PABIR2: variants seen among roughly 807,000 people sequenced by gnomAD.
PABIR2 encodes family with sequence similarity 122B.
Under a neutral mutation model 22.8 loss-of-function variants are expected in PABIR2, and 7 were observed. The observed-to-expected ratio is 0.31, with a 90% CI of 0.17 to 0.58. The LOEUF (loss-of-function observed/expected upper bound fraction) is 0.58, where lower values mean the gene tolerates loss of function less well. PABIR2 is among the 20% of genes least tolerant of loss of function. PABIR2 has a pLI of 0.89. For synonymous variants in PABIR2, 67 were observed against 73.8 expected, an observed-to-expected ratio of 0.91 and a Z score of 0.47; for missense variants, 155 against 205.1, an observed-to-expected ratio of 0.76 and a Z score of 1.49.
rs1211189960 is a variant in PABIR2, at chrX:134,786,826, C to T, written c.497+646G>A. Among the ~76,000 whole-genome samples the T allele has an allele frequency of 2.7e-5, 3 of 110,487 alleles. No homozygotes were observed. In the Admixed American group the frequency reaches 2.9e-4, roughly 11 times the overall value. On this transcript the variant is annotated intron_variant, in intron 7 of 9. Transcript: ENST00000343004. ...ATTAGCCGAGGGTGGTGGCGCATGCCTGTAATCCCAGCTACTTGGGAGGCT... is the reference window on the plus strand; with the variant it reads ...ATTAGCCGAGGGTGGTGGCGCATGCTTGTAATCCCAGCTACTTGGGAGGCT...
rs1001278618 is a variant in PABIR2 at position 134,770,423 on chromosome X, G to A, written c.*1716C>T. On this transcript the variant is annotated 3_prime_UTR_variant, in exon 10 of 10. Coordinates refer to ENST00000343004, the MANE Select transcript of PABIR2 (RefSeq NM_001387468.1). ...TACAATTTAAAATAAAGGACACATC[G>A]GATGCTGTAACAGAAGTACTGCACG... 3.6e-5 allele frequency: 4 copies of A among 112,436 alleles called. No individual in the cohort carries two copies. Among genetic ancestry groups the A allele is most frequent in the African/African-American group, 9.7e-5 (3 of 30,860 alleles). 9.3% of individuals were successfully genotyped at this position (112,436 alleles called of 1,213,427 possible). A position where few individuals can be genotyped will look rare whatever the true frequency, so the allele number is the denominator to read the frequency against.
intron 2 of PABIR2, among the ~76,000 whole-genome samples, chrX:134,793,086 G>A (rs186606391): frequency 8.9e-6 from 1 of 112,014 alleles, no homozygotes; most frequent in East Asian, 2.8e-4. Flanking sequence ...TATTGGATTG[G>A]AAGCTTATTA....
chrX:134,774,908 CAAGT>C (rs1437646470), intron 9 of PABIR2, among the ~76,000 whole-genome samples: 1 of 112,086 alleles, frequency 8.9e-6, no homozygotes, highest in Non-Finnish European at 1.9e-5. Context: ...CTATCCATGT[CAAGT>C]AAGACTTACA....
intron 9 of PABIR2, among the ~76,000 whole-genome samples, chrX:134,778,275 C>T (rs1363993234): frequency 2.9e-5 from 3 of 102,896 alleles, no homozygotes; most frequent in Admixed American, 1.0e-4. Flanking sequence ...GAGGCCGAGG[C>T]GGGCGGATCA....
chrX:134,778,527 A>G (rs923428638), intron 9 of PABIR2, among the ~76,000 whole-genome samples: 26 of 107,260 alleles, frequency 2.4e-4, no homozygotes, highest in African/African-American at 8.2e-4. Context: ...AAAAAAAATC[A>G]TATTTAAAAA....
intron 8 of PABIR2, 32 bp downstream of exon 8, chrX:134,785,854 G>C: frequency 8.6e-7 from 1 of 1,157,164 alleles, no homozygotes; most frequent in Non-Finnish European, 1.2e-6. Context: ...TGACACAGTA[G>C]CATTAGCTAT....
intron 1 of PABIR2, 151 bp from the exon 2 acceptor site, chrX:134,794,044 C>T (rs1376310624): frequency 6.8e-5 from 74 of 1,085,478 alleles, no homozygotes; most frequent in Non-Finnish European, 8.8e-5. Flanking sequence ...AACTCCTCAC[C>T]GTCCTCTCTG....
At chrX:134,794,121 G>A (rs2079630808) in intron 1 of PABIR2, 1 of 582,293 alleles carries the variant, frequency 1.7e-6, no homozygotes, top group Non-Finnish European at 2.1e-6. Flanking sequence ...GTGGTCGGGG[G>A]GCAGCTGGGA....
In PABIR2 at chrX:134,771,998, T is replaced by G. The variant is rs2078847507; in HGVS notation, c.*141A>C. 1 of 993,636 alleles carries G rather than the reference T, an allele frequency of 1.0e-6. No homozygotes were observed. The highest frequency in any genetic ancestry group is 1.3e-6 in the Non-Finnish European group (1 of 784,353). The allele number at this position is 993,636 out of a possible 1,213,427, so 81.9% of individuals were successfully genotyped here. On this transcript the variant is annotated 3_prime_UTR_variant, in exon 10 of 10. Coordinates refer to ENST00000343004, the MANE Select transcript of PABIR2 (RefSeq NM_001387468.1). ...AAAATTGAACTTTGGAGAAGAGAGA[T>G]GCCAAAGAGTAATAATAGCATCAGA...
At chrX:134,788,655 G>T in intron 6 of PABIR2, 75 bp downstream of exon 6, 1 of 865,268 alleles carries the variant, frequency 1.2e-6, no homozygotes, top group Non-Finnish European at 1.6e-6. Context: ...CTTTAAAAGT[G>T]GGGTGATTTG....
In PABIR2 at chrX:134,771,694, A is replaced by G. The variant is rs1331547798; in HGVS notation, c.*445T>C. 1 of 788,082 alleles carries G rather than the reference A, an allele frequency of 1.3e-6. No homozygotes were observed. The highest frequency in any genetic ancestry group is 1.5e-6 in the Non-Finnish European group (1 of 660,742). The allele number at this position is 788,082 out of a possible 1,213,427, so 64.9% of individuals were successfully genotyped here. ...GCAATTTATATATCATCATGAAATA[A>G]AGAGAGATTTGAAACTATGTAGTCA... is the stretch of plus-strand genomic sequence containing the variant. On this transcript the variant is annotated 3_prime_UTR_variant, in exon 10 of 10. Transcript: ENST00000343004.
In PABIR2 at chrX:134,793,883, G is replaced by C. The variant is rs1302353232; in HGVS notation, c.109C>G (p.Gln37Glu). 1.7e-6 allele frequency: 2 copies of C among 1,202,509 alleles called. No individual in the cohort carries two copies. Among genetic ancestry groups the C allele is most frequent in the East Asian group, 5.9e-5 (2 of 33,805 alleles). Reference protein sequence around the residue: ...PLIHGLSDLSQVFQPYTLRTR... With the variant: ...PLIHGLSDLSEVFQPYTLRTR... ...CTAAGTGTGTAAGGTTGGAAAACCT[G>C]TGAAAGGTCACTGAAAAAAACAAAA... The change falls in exon 2 of 10, where the codon CAG becomes GAG. Residue 37 changes from glutamine to glutamate, a missense_variant. Physicochemically the swap from Gln to Glu is conservative, Grantham distance 29. Transcript: ENST00000343004.
intron 9 of PABIR2, among the ~76,000 whole-genome samples, chrX:134,781,444 AGCTTC>A (rs1321130018): frequency 3.6e-5 from 4 of 112,066 alleles, no homozygotes; most frequent in African/African-American, 1.3e-4. Flanking sequence ...AAAGAAGAGA[AGCTTC>A]TTCATTCACT....
In PABIR2 at chrX:134,785,885, C is replaced by A. The variant is rs1305920885; in HGVS notation, c.562+1G>T. On this transcript the variant is annotated splice_donor_variant, in intron 8 of 9. Transcript: ENST00000343004. LOFTEE classifies it high-confidence loss of function. ...GCTATAGTCACCACGCTGCTACATA[C>A]CTTTTCTTTTAAGAGGACCAAGAAC... The A allele has an allele frequency of 8.3e-7, 1 of 1,207,362 alleles. No individual in the cohort carries two copies. The highest frequency in any genetic ancestry group is 1.1e-6 in the Non-Finnish European group (1 of 892,736).
intron 6 of PABIR2, among the ~76,000 whole-genome samples, chrX:134,788,246 TTA>T (rs1195955919): frequency 6.6e-5 from 1 of 15,252 alleles, no homozygotes; most frequent in South Asian, 2.7e-3. Context: ...TATATACACG[TTA>T]TATATGTGTA....
chrX:134,777,803 TCC>T (rs2079026617), intron 9 of PABIR2, among the ~76,000 whole-genome samples: 1 of 109,550 alleles, frequency 9.1e-6, no homozygotes, highest in Non-Finnish European at 1.9e-5. Context: ...ACCATTGCAC[TCC>T]AGCCTGGGCA....
At chrX:134,788,628 C>T in intron 6 of PABIR2, 102 bp downstream of exon 6, 1 of 572,110 alleles carries the variant, frequency 1.7e-6, no homozygotes, top group Non-Finnish European at 2.6e-6. Context: ...ATTGATTTTC[C>T]TTCAAGGCAT....
chrX:134,788,696 T>G, intron 6 of PABIR2, 34 bp downstream of exon 6: 2 of 1,143,854 alleles, frequency 1.7e-6, no homozygotes, highest in Non-Finnish European at 2.4e-6. Flanking sequence ...GCTCAGTTTG[T>G]GAAATACACT....
rs1033049607 is a variant in PABIR2 at position 134,771,433 on chromosome X, T to A, written c.*706A>T. The A allele has an allele frequency of 2.8e-5, 31 of 1,106,531 alleles. No individual in the cohort carries two copies. Among genetic ancestry groups the A allele is most frequent in the Non-Finnish European group, 3.3e-5 (28 of 851,580 alleles). 91.2% of individuals were successfully genotyped at this position (1,106,531 alleles called of 1,213,427 possible). A position where few individuals can be genotyped will look rare whatever the true frequency, so the allele number is the denominator to read the frequency against. ...AAATATATCAACTGTGGTAGCAAAG[T>A]CATAAGAACCTGTGATGACTAATCC... On this transcript the variant is annotated 3_prime_UTR_variant, in exon 10 of 10. Transcript: ENST00000343004.
Sources: gnomAD v4.1 joint callset for allele counts (sites outside exome capture counted in the v4.1 genomes callset) on GRCh38, gnomAD v4.1.1 for gene constraint, MANE v1.5 for transcripts, NCBI Gene and HGNC (gene_info 2026-07-23, HGNC 2026-07-21) for gene names.